The following ACYP2 variants were observed in gnomAD, a reference collection of about 807,000 sequenced individuals.
ACYP2 encodes acylphosphatase-2.
Under a neutral mutation model 11.2 loss-of-function variants are expected in ACYP2, and 12 were observed. The ratio of observed to expected loss-of-function variants is 1.08; its 90% CI spans 0.69 to 1.74. The LOEUF is 1.74. Ranked by LOEUF, ACYP2 falls within the 40% of genes most tolerant of loss-of-function variation. The pLI is 0.00. For missense variants in ACYP2, 134 were observed against 101.9 expected, an observed-to-expected ratio of 1.31 and a Z score of -1.35; for synonymous variants, 43 against 32.2, an observed-to-expected ratio of 1.33 and a Z score of -1.13.
intron 3 of ACYP2, chr2:54,051,642 A>T: frequency 1.4e-6 from 1 of 737,886 alleles, no homozygotes. Flanking sequence ...TATGAAAAGA[A>T]GGCTGCGAAG....
intron 6 of ACYP2, among the ~76,000 whole-genome samples, chr2:54,196,061 G>C (rs1051647082): frequency 6.6e-6 from 1 of 152,078 alleles, no homozygotes; most frequent in Non-Finnish European, 1.5e-5. Flanking sequence ...GCCTCCCAAA[G>C]TGCTGGGATT....
intron 6 of ACYP2, among the ~76,000 whole-genome samples, chr2:54,204,481 A>T (rs1037201673): frequency 6.6e-6 from 1 of 152,086 alleles, no homozygotes; most frequent in Non-Finnish European, 1.5e-5. Context: ...CTTTTTTCTT[A>T]AAAGTTTATA....
chr2:54,227,384 G>C (rs934848612), intron 6 of ACYP2, among the ~76,000 whole-genome samples: 1 of 152,082 alleles, frequency 6.6e-6, no homozygotes, highest in Non-Finnish European at 1.5e-5. Flanking sequence ...GCTCTCGCCT[G>C]TATCCCAGCA....
At chr2:54,180,369 GA>G (rs1281043175) in intron 6 of ACYP2, among the ~76,000 whole-genome samples, 2 of 152,150 alleles carry the variant, frequency 1.3e-5, no homozygotes, top group East Asian at 3.9e-4. Flanking sequence ...GGGTGGGGCT[GA>G]ATATCTTAAA....
At chr2:54,199,753 A>G (rs537466673) in intron 6 of ACYP2, among the ~76,000 whole-genome samples, 14 of 152,352 alleles carry the variant, frequency 9.2e-5, no homozygotes, top group African/African-American at 3.4e-4. Context: ...CCTTGGTTTA[A>G]GAACTATGGA....
At chr2:54,038,915 A>G (rs997072526) in intron 2 of ACYP2, among the ~76,000 whole-genome samples, 6 of 151,964 alleles carry the variant, frequency 3.9e-5, no homozygotes, top group African/African-American at 1.5e-4. Context: ...TGAAATTGCA[A>G]TTTTAGATGG....
intron 4 of ACYP2, among the ~76,000 whole-genome samples, chr2:54,130,316 GC>G (rs979357583): frequency 3.3e-5 from 5 of 152,134 alleles, no homozygotes; most frequent in African/African-American, 9.7e-5. Context: ...AGGCTAGGGG[GC>G]TTGGCATCTT....
At chr2:54,038,766 T>G (rs1208402828) in intron 2 of ACYP2, among the ~76,000 whole-genome samples, 1 of 136,436 alleles carries the variant, frequency 7.3e-6, no homozygotes, top group Non-Finnish European at 1.6e-5. Context: ...AACCCCCACC[T>G]TTTTGGAGCT....
intron 5 of ACYP2, among the ~76,000 whole-genome samples, chr2:54,136,662 C>T (rs1333990433): frequency 1.3e-5 from 2 of 152,000 alleles, no homozygotes; most frequent in East Asian, 3.9e-4. Flanking sequence ...GGCCTCCATA[C>T]AGGAGAAGAG....
At position 54,050,964 on chromosome 2, in the gene ACYP2, G is replaced by T. The variant is rs1233056669; in HGVS notation, c.69G>T (p.Lys23Asn). 1 of 409,300 alleles carries T rather than the reference G, an allele frequency of 2.4e-6. No homozygotes were observed. Among genetic ancestry groups the T allele is most frequent in the South Asian group, 1.1e-4 (1 of 9,184 alleles). The allele number at this position is 409,300 out of a possible 1,614,324, so 25.4% of individuals were successfully genotyped here. A position where few individuals can be genotyped will look rare whatever the true frequency, so the allele number is the denominator to read the frequency against. Residue 23 changes from lysine (K) to asparagine (N), a missense_variant, in exon 3 of 7, where the codon AAG (lysine) becomes AAT (asparagine). Physicochemically the swap from Lys to Asn is moderately conservative, Grantham distance 94 (BLOSUM62 0). Transcript: ENST00000607452. Reference sequence around the variant, plus strand: ...TTTTTTTCTTTTTTTGTAGATACAAGGTCTCGCTGTTCTACCTAGGCTGTT... The same window carrying T: ...TTTTTTTCTTTTTTTGTAGATACAATGTCTCGCTGTTCTACCTAGGCTGTT...
intron 6 of ACYP2, among the ~76,000 whole-genome samples, chr2:54,241,868 C>G (rs1443192408): frequency 6.6e-6 from 1 of 152,122 alleles, no homozygotes; most frequent in African/African-American, 2.4e-5. Context: ...CAAAAATTAG[C>G]TGGGCGTGGT....
At chr2:54,248,864 G>C (rs1283607816) in intron 6 of ACYP2, among the ~76,000 whole-genome samples, 1 of 152,184 alleles carries the variant, frequency 6.6e-6, no homozygotes, top group Non-Finnish European at 1.5e-5. Flanking sequence ...GGAGGTTTTG[G>C]AAAGATGATT....
At chr2:54,029,687 AC>A in intron 2 of ACYP2, 1 of 511,658 alleles carries the variant, frequency 2.0e-6, no homozygotes, top group Non-Finnish European at 3.7e-6. Context: ...AGTGCTTAAT[AC>A]CCACGTTAAT....
At chr2:54,216,154 CTGG>C (rs1269626302) in intron 6 of ACYP2, among the ~76,000 whole-genome samples, 1 of 152,134 alleles carries the variant, frequency 6.6e-6, no homozygotes, top group Non-Finnish European at 1.5e-5. Context: ...ATTTAAGATG[CTGG>C]TTTTGTCACA....
intron 4 of ACYP2, among the ~76,000 whole-genome samples, chr2:54,094,211 A>G (rs1216938306): frequency 6.6e-6 from 1 of 151,546 alleles, no homozygotes; most frequent in African/African-American, 2.4e-5. Context: ...AGAAGAAGAC[A>G]TGGTGGGGAG....
intron 6 of ACYP2, among the ~76,000 whole-genome samples, chr2:54,208,090 C>G (rs1685157429): frequency 6.6e-6 from 1 of 152,024 alleles, no homozygotes. Flanking sequence ...GCTTGCTGTT[C>G]ATCTGACCCT....
intron 2 of ACYP2, among the ~76,000 whole-genome samples, chr2:54,023,666 T>G (rs1251441965): frequency 6.6e-6 from 1 of 152,200 alleles, no homozygotes; most frequent in East Asian, 1.9e-4. Context: ...TTTTGGGTAT[T>G]GTATGTATTT....
intron 4 of ACYP2, among the ~76,000 whole-genome samples, chr2:54,128,139 C>A (rs550907298): frequency 6.6e-6 from 1 of 152,242 alleles, no homozygotes; most frequent in Non-Finnish European, 1.5e-5. Flanking sequence ...GAATCATATG[C>A]AATTGGCAAA....
At chr2:54,082,213 G>A (rs533702352) in intron 4 of ACYP2, among the ~76,000 whole-genome samples, 10 of 151,768 alleles carry the variant, frequency 6.6e-5, no homozygotes, top group African/African-American at 2.4e-4. Context: ...ATTTATGTTA[G>A]TAAACATAAT....
Sources: allele counts gnomAD v4.1 joint callset (sites outside exome capture counted in the v4.1 genomes callset), GRCh38; gene constraint gnomAD v4.1.1; transcripts MANE v1.5; gene names NCBI Gene and HGNC (gene_info 2026-07-23, HGNC 2026-07-21).